Variants in TMEM229B observed in about 807,000 individuals in gnomAD.
The protein encoded by TMEM229B is chromosome 14 open reading frame 83.
A neutral mutation model predicts 13.7 loss-of-function variants in TMEM229B; 6 were observed. The observed-to-expected ratio is 0.44, with a 90% CI of 0.24 to 0.86. The LOEUF is 0.86. Among genes scored for constraint, TMEM229B ranks in the 40% least tolerant of loss-of-function variants. The probability of loss-of-function intolerance (pLI) is 0.23; values close to 1 mark genes in which losing one functional copy is unlikely to be tolerated. For missense variants in TMEM229B, 170 were observed against 236.0 expected, an observed-to-expected ratio of 0.72 and a Z score of 1.83; for synonymous variants, 107 against 102.1, an observed-to-expected ratio of 1.05 and a Z score of -0.29.
chr14:67,522,446 G>A (rs370101767), intron 1 of TMEM229B, among the ~76,000 whole-genome samples: 1 of 152,186 alleles, frequency 6.6e-6, no homozygotes, highest in Non-Finnish European at 1.5e-5. Flanking sequence ...TTGTTGAGGC[G>A]AGCCTGGTTA....
At chr14:67,499,874 C>A (rs1257107672) in intron 1 of TMEM229B, among the ~76,000 whole-genome samples, 2 of 151,922 alleles carry the variant, frequency 1.3e-5, no homozygotes, top group Non-Finnish European at 2.9e-5. Context: ...CTTCAATTGA[C>A]GGGATAGCTT....
chr14:67,487,257 C>G (rs1413365313), intron 1 of TMEM229B, 85 bp from the exon 2 acceptor site: 3 of 152,280 alleles, frequency 2.0e-5, no homozygotes, highest in African/African-American at 4.8e-5. Flanking sequence ...GGGCTCTGGG[C>G]TCAGCACCAG....
chr14:67,492,042 G>A (rs1406798873), upstream of TMEM229B, among the ~76,000 whole-genome samples: 1 of 152,116 alleles, frequency 6.6e-6, no homozygotes, highest in Non-Finnish European at 1.5e-5. Flanking sequence ...ACTGTCTTCT[G>A]TCTCACTTGG....
At chr14:67,489,601 G>C (rs2032071508), upstream of TMEM229B, among the ~76,000 whole-genome samples, 1 of 152,114 alleles carries the variant, frequency 6.6e-6, no homozygotes. Flanking sequence ...TCACTCCTTT[G>C]CGATGCCGTC....
At chr14:67,514,391 C>T (rs1594718080) in intron 1 of TMEM229B, among the ~76,000 whole-genome samples, 2 of 152,144 alleles carry the variant, frequency 1.3e-5, no homozygotes, top group African/African-American at 4.8e-5. Flanking sequence ...CACTCCCCAT[C>T]CCAGCCAGGC....
chr14:67,533,371 G>T (rs2033537061), intron 1 of TMEM229B: 1 of 151,578 alleles, frequency 6.6e-6, no homozygotes, highest in Non-Finnish European at 1.5e-5. Flanking sequence ...CCCAGTGCGC[G>T]GCGGGGACGG....
At chr14:67,475,147 T>C (rs1271886215) in intron 2 of TMEM229B, among the ~76,000 whole-genome samples, 1 of 152,174 alleles carries the variant, frequency 6.6e-6, no homozygotes, top group Non-Finnish European at 1.5e-5. Context: ...GCCCCTGAGC[T>C]CAGGTGATCC....
intron 1 of TMEM229B, among the ~76,000 whole-genome samples, chr14:67,523,636 C>A (rs534074995): frequency 6.2e-4 from 94 of 152,336 alleles, no homozygotes; most frequent in Middle Eastern, 6.8e-3. Context: ...TTTCTGTGGC[C>A]ATGCTGTATC....
At chr14:67,493,404 G>A (rs2032243780), upstream of TMEM229B, among the ~76,000 whole-genome samples, 2 of 152,144 alleles carry the variant, frequency 1.3e-5, 1 homozygote, top group South Asian at 4.1e-4. Flanking sequence ...TCCAACCCCA[G>A]CCAACACAGG....
chr14:67,525,423 T>G (rs1190544663), intron 1 of TMEM229B, among the ~76,000 whole-genome samples: 5 of 152,232 alleles, frequency 3.3e-5, no homozygotes, highest in Non-Finnish European at 5.9e-5. Context: ...AATACTTTAC[T>G]TACTAGTCCT....
chr14:67,513,217 T>A (rs1488514833), intron 1 of TMEM229B, among the ~76,000 whole-genome samples: 3 of 152,186 alleles, frequency 2.0e-5, no homozygotes, highest in Admixed American at 1.3e-4. Flanking sequence ...CAGGCCTCCA[T>A]ATCATTATCC....
At chr14:67,526,108 G>A (rs914093107) in intron 1 of TMEM229B, among the ~76,000 whole-genome samples, 1 of 152,182 alleles carries the variant, frequency 6.6e-6, no homozygotes, top group African/African-American at 2.4e-5. Flanking sequence ...TTCCTCTTCC[G>A]GACCTGGACT....
In TMEM229B at chr14:67,521,905, G is replaced by A. The variant is rs1007627392; in HGVS notation, c.-192+11731C>T. On this transcript the variant is annotated intron_variant, in intron 1 of 2. Transcript: ENST00000554278. ...GAAAGTTGGGGATTAAGCCGGGCAC[G>A]GTGGCTCATGTTTGTAATCCCAGCA... Among the ~76,000 whole-genome samples the A allele has an allele frequency of 5.3e-4, 81 of 152,322 alleles. 1 individual carries two copies. Among genetic ancestry groups the A allele is most frequent in the African/African-American group, 1.7e-3 (70 of 41,582 alleles).
intron 1 of TMEM229B, among the ~76,000 whole-genome samples, chr14:67,520,594 A>G (rs1414338936): frequency 6.6e-6 from 1 of 152,226 alleles, no homozygotes; most frequent in Non-Finnish European, 1.5e-5. Flanking sequence ...ACTGAAGGAA[A>G]TCTTGGTTGC....
upstream of TMEM229B, among the ~76,000 whole-genome samples, chr14:67,493,656 C>T (rs543853104): frequency 2.0e-5 from 3 of 152,126 alleles, no homozygotes; most frequent in South Asian, 2.1e-4. Context: ...GAGCATCAGG[C>T]CCCAGCCTGG....
chr14:67,526,597 A>C (rs2033371376), intron 1 of TMEM229B, among the ~76,000 whole-genome samples: 1 of 152,232 alleles, frequency 6.6e-6, no homozygotes. Context: ...CATAGTTTAA[A>C]GTCTCCACTT....
At chr14:67,496,438 C>T (rs2032384826) in intron 1 of TMEM229B, among the ~76,000 whole-genome samples, 1 of 107,766 alleles carries the variant, frequency 9.3e-6, no homozygotes, top group Non-Finnish European at 1.7e-5. Context: ...GGGTCTGGCT[C>T]TGTCACCCAG....
At chr14:67,490,183 T>G (rs950086776), upstream of TMEM229B, among the ~76,000 whole-genome samples, 3 of 152,088 alleles carry the variant, frequency 2.0e-5, no homozygotes, top group Admixed American at 6.6e-5. Context: ...TTTCTCTAAT[T>G]TATAGGCCAC....
At chr14:67,515,212 C>T (rs1221640715) in exon 1 of TMEM229B, 1 of 152,002 alleles carries the variant, frequency 6.6e-6, no homozygotes, top group Non-Finnish European at 1.5e-5. Context: ...ACTCGGGGCG[C>T]TCTCCTGCAC....
Sources: gnomAD v4.1 joint callset for allele counts (sites outside exome capture counted in the v4.1 genomes callset) on GRCh38, gnomAD v4.1.1 for gene constraint, MANE v1.5 for transcripts, NCBI Gene and HGNC (gene_info 2026-07-23, HGNC 2026-07-21) for gene names.